OR14I1: variants seen among roughly 807,000 people sequenced by gnomAD.
OR14I1 encodes olfactory receptor 14I1.
For synonymous variants in OR14I1, 118 were observed against 71.1 expected (o/e 1.66, Z -3.32); for missense variants, 279 against 181.8 (o/e 1.53, Z -3.07).
the OR14I1 span, among the ~76,000 whole-genome samples, chr1:248,698,415 A>G: frequency 6.6e-6 from 1 of 152,164 alleles, no homozygotes; most frequent in Non-Finnish European, 1.5e-5. Context: ...TCAGACCAAG[A>G]ATAAGAGATT....
At chr1:248,681,940 A>G (rs138711393) in exon 1 of OR14I1, 232 of 781,010 alleles carry the variant, frequency 3.0e-4, no homozygotes, top group Admixed American at 4.1e-4. Context: ...GCAAATGGCA[A>G]CATAGCGGTC....
chr1:248,683,462 T>A (rs1202866040), upstream of OR14I1, among the ~76,000 whole-genome samples: 5 of 152,248 alleles, frequency 3.3e-5, no homozygotes, highest in Non-Finnish European at 7.3e-5. Flanking sequence ...TTACTGATCA[T>A]CTAAGGTTTA....
exon 1 of OR14I1, chr1:248,682,227 G>C (rs369084668): frequency 2.6e-6 from 2 of 780,156 alleles, no homozygotes; most frequent in East Asian, 4.8e-5. Flanking sequence ...GAAACAGCCC[G>C]GCGTGCAGCA....
At chr1:248,685,822 TA>T, upstream of OR14I1, among the ~76,000 whole-genome samples, 1 of 151,294 alleles carries the variant, frequency 6.6e-6, no homozygotes, top group East Asian at 1.9e-4. Flanking sequence ...TGTGTATATA[TA>T]GTTACTGTTT....
the OR14I1 span, among the ~76,000 whole-genome samples, chr1:248,687,768 A>G: frequency 1.3e-5 from 2 of 152,246 alleles, no homozygotes; most frequent in Non-Finnish European, 2.9e-5. Context: ...GCTTGCCTAC[A>G]GCTAGACATC....
the OR14I1 span, among the ~76,000 whole-genome samples, chr1:248,701,984 G>A: frequency 1.3e-5 from 2 of 152,200 alleles, no homozygotes; most frequent in South Asian, 4.1e-4. Context: ...AGGTGAAGGG[G>A]AAGCAGGCAT....
upstream of OR14I1, chr1:248,682,364 A>G (rs1661583459): frequency 1.0e-5 from 7 of 670,542 alleles, no homozygotes; most frequent in Non-Finnish European, 1.9e-5. Context: ...TTTAAATGAG[A>G]CAAAAAGTGA....
At chr1:248,683,700 G>A (rs543996059), upstream of OR14I1, among the ~76,000 whole-genome samples, 1 of 152,334 alleles carries the variant, frequency 6.6e-6, no homozygotes, top group South Asian at 2.1e-4. Context: ...CAGTCACTTT[G>A]AAGCATTTCA....
At chr1:248,702,518 C>CT in the OR14I1 span, among the ~76,000 whole-genome samples, 4 of 152,106 alleles carry the variant, frequency 2.6e-5, no homozygotes, top group Admixed American at 1.3e-4. Context: ...TAGAATTCTA[C>CT]TTTTTTTTGC....
chr1:248,695,224 T>C, the OR14I1 span, among the ~76,000 whole-genome samples: 1 of 143,960 alleles, frequency 6.9e-6, no homozygotes, highest in Non-Finnish European at 1.5e-5. Context: ...CTTTTGAATG[T>C]ATGCTTTTTT....
the OR14I1 span, among the ~76,000 whole-genome samples, chr1:248,696,792 CTTCT>C: frequency 6.6e-6 from 1 of 152,010 alleles, no homozygotes; most frequent in African/African-American, 2.4e-5. Context: ...ATATTTTTTT[CTTCT>C]TTGTTTTTTT....
At chr1:248,689,886 C>G in the OR14I1 span, among the ~76,000 whole-genome samples, 11 of 152,314 alleles carry the variant, frequency 7.2e-5, no homozygotes, top group Admixed American at 2.6e-4. Context: ...GTCTTTCAGA[C>G]CACAGTGCAC....
the OR14I1 span, among the ~76,000 whole-genome samples, chr1:248,697,903 C>CA: frequency 6.6e-6 from 1 of 152,132 alleles, no homozygotes; most frequent in Admixed American, 6.5e-5. Flanking sequence ...AAACTTTCTT[C>CA]AAAAAGATTG....
the OR14I1 span, among the ~76,000 whole-genome samples, chr1:248,699,869 T>C: frequency 6.6e-6 from 1 of 152,216 alleles, no homozygotes; most frequent in African/African-American, 2.4e-5. Flanking sequence ...GCAATTCTCC[T>C]GCCTCAGCCT....
chr1:248,682,172 C>T (rs372148579), exon 1 of OR14I1: 1 of 780,870 alleles, frequency 1.3e-6, no homozygotes, highest in Non-Finnish European at 2.4e-6. Context: ...GTGATGACTG[C>T]AATGATGAGC....
At chr1:248,685,453 C>G (rs925189976), upstream of OR14I1, among the ~76,000 whole-genome samples, 3 of 152,140 alleles carry the variant, frequency 2.0e-5, no homozygotes, top group Non-Finnish European at 4.4e-5. Context: ...GTTACCCACC[C>G]TTCCAGCAGA....
the OR14I1 span, among the ~76,000 whole-genome samples, chr1:248,695,865 G>A: frequency 6.6e-6 from 1 of 152,136 alleles, no homozygotes; most frequent in Non-Finnish European, 1.5e-5. Context: ...ACACAAATGT[G>A]TCCTCAGAAT....
At chr1:248,693,274 C>G in the OR14I1 span, among the ~76,000 whole-genome samples, 1 of 152,172 alleles carries the variant, frequency 6.6e-6, no homozygotes, top group Admixed American at 6.5e-5. Flanking sequence ...TGTACTGATT[C>G]ACGGCCAGGA....
At chr1:248,683,987 G>A (rs533782067), upstream of OR14I1, among the ~76,000 whole-genome samples, 1 of 152,216 alleles carries the variant, frequency 6.6e-6, no homozygotes, top group Admixed American at 6.5e-5. Context: ...AGCCAAGATC[G>A]TGCCACTGCA....
Sources: allele counts gnomAD v4.1 joint callset (sites outside exome capture counted in the v4.1 genomes callset), GRCh38; gene constraint gnomAD v4.1.1; transcripts MANE v1.5; gene names NCBI Gene and HGNC (gene_info 2026-07-23, HGNC 2026-07-21).